ZMYM3: variants seen among roughly 807,000 people sequenced by gnomAD.
The protein encoded by ZMYM3 is zinc finger MYM-type protein 3.
In ZMYM3, 6 loss-of-function variants were observed where a neutral mutation model predicts 94.2. That is an observed-to-expected ratio of 0.06 (90% CI 0.03 to 0.13). The LOEUF is 0.13. Ranked by LOEUF, ZMYM3 falls within the 10% of genes least tolerant of loss-of-function variation. ZMYM3 has a pLI of 1.00. For synonymous variants in ZMYM3, 420 were observed against 426.5 expected (o/e 0.98, Z 0.19); for missense variants, 664 against 1,132.6 (o/e 0.59, Z 5.94).
intron 9 of ZMYM3, 49 bp downstream of exon 9, chrX:71,248,637 C>T (rs780960060): frequency 1.7e-6 from 2 of 1,160,109 alleles, no homozygotes; most frequent in Non-Finnish European, 2.3e-6. Flanking sequence ...TTCTCCAACC[C>T]TCTTTATGTT....
In ZMYM3 at chrX:71,241,008, G is replaced by A. The variant is rs2029918531; in HGVS notation, c.4021C>T (p.Arg1341Cys). 4.1e-6 allele frequency: 5 copies of A among 1,211,464 alleles called. No individual in the cohort carries two copies. Among genetic ancestry groups the A allele is most frequent in the Non-Finnish European group, 5.6e-6 (5 of 895,408 alleles). ...TTGAGCATGCTCTCCAACATGCTGC[G>A]GTCCATGGGGATCACAGAATACCAG... is the stretch of plus-strand genomic sequence containing the variant. ...PLWYSVIPMD[R>C]SMLESMLNRI... Residue 1341 changes from arginine to cysteine, a missense_variant, in exon 25 of 25, where the codon CGC (arginine) becomes TGC (cysteine). By Grantham distance (180) the Arg-to-Cys change is radical. Around this residue, in one of 9 missense-constraint regions of ZMYM3, gnomAD observed 58 missense variants for 112.4 expected, o/e 0.52. Transcript: ENST00000314425.
In ZMYM3 at chrX:71,248,530, GGGAA is replaced by G; in HGVS notation, c.1738-10_1738-7del. 1 of 1,209,547 alleles carries G rather than the reference GGGAA, an allele frequency of 8.3e-7. No individual in the cohort carries two copies. Among genetic ancestry groups the G allele is most frequent in the Non-Finnish European group, 1.1e-6 (1 of 894,005 alleles). ...CCCCCCTCAGGGCTTGTGCGCTGGA[GGGAA>G]GGAAGACAAGTAAGGGAGGGGCAAG... On this transcript the variant is annotated splice_region_variant and splice_polypyrimidine_tract_variant and intron_variant, in intron 9 of 24. Transcript: ENST00000314425.
Position 71,249,026 on chromosome X carries a change from C to T in ZMYM3, c.1614G>A (p.Gly538=). The T allele has an allele frequency of 4.1e-6, 5 of 1,211,276 alleles. No individual in the cohort carries two copies. The highest frequency in any genetic ancestry group is 1.7e-5 in the African/African-American group (1 of 57,641). The change falls in exon 8 of 25, where the codon GGG becomes GGA. Residue 538 remains glycine, a synonymous_variant. Coordinates refer to ENST00000314425, the MANE Select transcript of ZMYM3 (RefSeq NM_201599.3). ...CTTSYKVKQA[G]LTGPPRPCSF... ...AGAGGGCTTTGCACCTACCAGTGAG[C>T]CCTGCCTGCTTCACTTTGTAAGAAG...
rs1042229584 is a variant in ZMYM3 at position 71,242,029 on chromosome X, C to T, written c.3802+141G>A. 5.8e-6 allele frequency: 5 copies of T among 861,415 alleles called. No individual in the cohort carries two copies. In the African/African-American group the frequency reaches 1.3e-4, roughly 22 times the overall value. 71.0% of individuals were successfully genotyped at this position (861,415 alleles called of 1,213,427 possible). A position where few individuals can be genotyped will look rare whatever the true frequency, so the allele number is the denominator to read the frequency against. On this transcript the variant is annotated intron_variant, in intron 23 of 24. Transcript: ENST00000314425. ...CAGGTAGGAGGACTGGCTGTTTCTA[C>T]CCTTTCTGCACACAGGAACAGGAGA...
Position 71,248,217 on chromosome X carries a change from T to C in ZMYM3, c.1920A>G (p.Lys640=), listed in dbSNP as rs1178684334. The C allele has an allele frequency of 8.3e-7, 1 of 1,209,920 alleles. No homozygotes were observed. Among genetic ancestry groups the C allele is most frequent in the Non-Finnish European group, 1.1e-6 (1 of 894,672 alleles). Residue 640 remains lysine, a synonymous_variant, in exon 11 of 25, where the codon AAA becomes AAG. Coordinates refer to ENST00000314425, the MANE Select transcript of ZMYM3 (RefSeq NM_201599.3). ...TGAATCGGAGTTTCTCATGCAAGAG[T>C]TTCTCCTGCCGACAGTGCTCACACT... ...VSQCEHCRQE[K]LLHEKLRFSG...
rs1256120130 is a variant in ZMYM3, at chrX:71,246,664, T to C, written c.2343A>G (p.Thr781=). ...NSQSPESKPQ[T]PSQTKVENSN... is the part of the protein sequence containing the mutation. ...TGTTCTCCACTTTGGTTTGAGAGGG[T>C]GTCTGGGGTTTTGACTCAGGAGACT... is the stretch of plus-strand genomic sequence containing the variant. Residue 781 remains threonine, a synonymous_variant, in exon 14 of 25, where the codon ACA becomes ACG. Transcript: ENST00000314425. The C allele has an allele frequency of 8.3e-7, 1 of 1,209,348 alleles. No homozygotes were observed. Among genetic ancestry groups the C allele is most frequent in the Non-Finnish European group, 1.1e-6 (1 of 895,018 alleles).
intron 13 of ZMYM3, 150 bp from the exon 14 acceptor site, chrX:71,246,842 C>T (rs1290968217): frequency 1.7e-5 from 8 of 474,789 alleles, no homozygotes; most frequent in South Asian, 4.8e-5. Flanking sequence ...GATCTAGTCT[C>T]CTCTATGCCC....
rs950150566 is a variant in ZMYM3, at chrX:71,248,617, C to T, written c.1737+69G>A. The T allele has an allele frequency of 4.4e-6, 5 of 1,147,302 alleles. No homozygotes were observed. In the Admixed American group the frequency reaches 1.2e-4, roughly 28 times the overall value. The allele number at this position is 1,147,302 out of a possible 1,213,427, so 94.6% of individuals were successfully genotyped here. On this transcript the variant is annotated intron_variant, in intron 9 of 24. Coordinates refer to ENST00000314425, the MANE Select transcript of ZMYM3 (RefSeq NM_201599.3). Reference sequence around the variant, plus strand: ...TTGTTCTTTGCTCTGCCCAGGCCTGCCTACCCCAATTCTCCAACCCTCTTT... The same window carrying T: ...TTGTTCTTTGCTCTGCCCAGGCCTGTCTACCCCAATTCTCCAACCCTCTTT...
chrX:71,240,856 G>A lies in ZMYM3; in HGVS notation c.*60C>T. Reference sequence around the variant, plus strand: ...CATTGGTTCCTGGGCCTGTCACCCTGAGGGACATGGCCACAGGACAGACAT... The same window carrying A: ...CATTGGTTCCTGGGCCTGTCACCCTAAGGGACATGGCCACAGGACAGACAT... On this transcript the variant is annotated 3_prime_UTR_variant, in exon 25 of 25. Transcript: ENST00000314425. The A allele has an allele frequency of 8.8e-7, 1 of 1,138,584 alleles. No homozygotes were observed. The highest frequency in any genetic ancestry group is 2.2e-5 in the Admixed American group (1 of 44,697). The allele number at this position is 1,138,584 out of a possible 1,213,427, so 93.8% of individuals were successfully genotyped here.
intron 21 of ZMYM3, 138 bp downstream of exon 21, chrX:71,243,691 A>G: frequency 1.2e-6 from 1 of 819,432 alleles, no homozygotes; most frequent in South Asian, 2.9e-5. Flanking sequence ...CCTGGCTTGA[A>G]GCGATCCTCC....
At chrX:71,243,208 A>T in intron 21 of ZMYM3, 124 bp from the exon 22 acceptor site, 1 of 572,537 alleles carries the variant, frequency 1.7e-6, no homozygotes, top group Non-Finnish European at 2.8e-6. Context: ...CAGTTGCTTG[A>T]TTAGGTGGCC....
At chrX:71,242,116 G>A in intron 23 of ZMYM3, 54 bp downstream of exon 23, 1 of 1,146,731 alleles carries the variant, frequency 8.7e-7, no homozygotes, top group Non-Finnish European at 1.2e-6. Context: ...GGCAGGGCAT[G>A]GAAGGGGAAG....
intron 4 of ZMYM3, 131 bp downstream of exon 4, chrX:71,251,047 G>C (rs1414936578): frequency 4.4e-6 from 3 of 685,443 alleles, no homozygotes; most frequent in Non-Finnish European, 6.7e-6. Flanking sequence ...ACCCATAGCA[G>C]AGACAGGCAC....
At chrX:71,246,291 A>G in intron 15 of ZMYM3, 62 bp downstream of exon 15, 1 of 1,192,375 alleles carries the variant, frequency 8.4e-7, no homozygotes, top group East Asian at 3.0e-5. Context: ...GCTCACGGAC[A>G]TAGGGCTGGC....
At chrX:71,242,699 T>C (rs2029999018) in intron 22 of ZMYM3, among the ~76,000 whole-genome samples, 2 of 112,163 alleles carry the variant, frequency 1.8e-5, no homozygotes, top group African/African-American at 6.5e-5. Flanking sequence ...CCACGATTTC[T>C]TGCTTTCTTT....
rs762429176 is a variant in ZMYM3 at position 71,242,294 on chromosome X, C to T, written c.3678G>A (p.Glu1226=). ...NTKFFGLQTA[E]EHMQLSFTNV... is the part of the protein sequence containing the mutation. ...TGGTGAAGGAGAGTTGCATGTGTTC[C>T]TCAGCTGTCTGCAGCCCAAAAAACT... is the stretch of plus-strand genomic sequence containing the variant. Residue 1226 remains glutamate, a synonymous_variant, in exon 23 of 25, where the codon GAG becomes GAA. Coordinates refer to ENST00000314425, the MANE Select transcript of ZMYM3 (RefSeq NM_201599.3). 1 of 1,210,141 alleles carries T rather than the reference C, an allele frequency of 8.3e-7. No individual in the cohort carries two copies. Among genetic ancestry groups the T allele is most frequent in the African/African-American group, 1.7e-5 (1 of 57,400 alleles).
chrX:71,248,102 TCTC>T (rs2030267627), intron 11 of ZMYM3, 57 bp downstream of exon 11: 1 of 1,191,485 alleles, frequency 8.4e-7, no homozygotes. Context: ...CTCCCTCCCT[TCTC>T]CTCCATTCTC....
At chrX:71,253,477 C>G (rs1486119318) in intron 1 of ZMYM3, among the ~76,000 whole-genome samples, 1 of 101,544 alleles carries the variant, frequency 9.8e-6, no homozygotes, top group African/African-American at 3.6e-5. Flanking sequence ...AGAGGCGTTC[C>G]CCGCCCTGGC....
chrX:71,253,401 C>T (rs766040469), intron 1 of ZMYM3, 127 bp from the exon 2 acceptor site: 3 of 520,312 alleles, frequency 5.8e-6, no homozygotes, highest in Non-Finnish European at 8.6e-6. Flanking sequence ...CCACCACAAT[C>T]TACAAGCATT....
Sources: gnomAD v4.1 joint callset for allele counts (sites outside exome capture counted in the v4.1 genomes callset) on GRCh38, gnomAD v4.1.1 for gene constraint, gnomAD v4.1.1 regional missense constraint, MANE v1.5 for transcripts, NCBI Gene and HGNC (gene_info 2026-07-23, HGNC 2026-07-21) for gene names.